SEMA6D: variants seen among roughly 807,000 people sequenced by gnomAD.
The protein encoded by SEMA6D is semaphorin 6D, also known as semaphorin-6D.
In SEMA6D, 35 loss-of-function variants were observed where a neutral mutation model predicts 106.6. The observed-to-expected ratio is 0.33, with a 90% CI of 0.25 to 0.44. The LOEUF is 0.44. Ranked by LOEUF, SEMA6D falls within the 20% of genes least tolerant of loss-of-function variation. The probability of loss-of-function intolerance (pLI) is 1.00; values close to 1 mark genes in which losing one functional copy is unlikely to be tolerated. For synonymous variants in SEMA6D, 499 were observed against 487.7 expected (o/e 1.02, Z -0.31); for missense variants, 1,185 against 1,345.9 (o/e 0.88, Z 1.87).
At chr15:47,527,112 C>G (rs137979889) in intron 3 of SEMA6D, among the ~76,000 whole-genome samples, 2 of 152,306 alleles carry the variant, frequency 1.3e-5, no homozygotes, top group African/African-American at 4.8e-5. Flanking sequence ...CAGGAATTAT[C>G]TCCATGAGGA....
chr15:47,578,500 C>G (rs2076196501), intron 3 of SEMA6D, among the ~76,000 whole-genome samples: 1 of 152,190 alleles, frequency 6.6e-6, no homozygotes, highest in East Asian at 1.9e-4. Flanking sequence ...CTAAATTGAA[C>G]TAATTGATCT....
chr15:47,684,612 A>G (rs990430128), intron 4 of SEMA6D, among the ~76,000 whole-genome samples: 1 of 152,204 alleles, frequency 6.6e-6, no homozygotes, highest in Non-Finnish European at 1.5e-5. Flanking sequence ...CAGGAGCTCA[A>G]TGACATTTGC....
At chr15:47,436,574 T>C (rs1182026478) in intron 2 of SEMA6D, among the ~76,000 whole-genome samples, 1 of 150,580 alleles carries the variant, frequency 6.6e-6, no homozygotes, top group Non-Finnish European at 1.5e-5. Context: ...AGTTTAATGT[T>C]CTTAATTTTA....
chr15:47,314,894 C>T (rs2036596490), intron 1 of SEMA6D, among the ~76,000 whole-genome samples: 1 of 114,174 alleles, frequency 8.8e-6, no homozygotes, highest in Non-Finnish European at 1.6e-5. Context: ...GAGACGGAGT[C>T]TCGCTCTGTG....
intron 1 of SEMA6D, chr15:47,730,968 A>G (rs990454681): frequency 5.9e-6 from 4 of 673,506 alleles, no homozygotes; most frequent in African/African-American, 3.6e-5. Context: ...CAATCTTCCT[A>G]TTTTAATTAC....
chr15:47,522,563 T>C (rs2044621471), intron 3 of SEMA6D, among the ~76,000 whole-genome samples: 1 of 152,132 alleles, frequency 6.6e-6, no homozygotes, highest in Admixed American at 6.5e-5. Context: ...TCAAGAGTTT[T>C]TAATGTTTTA....
chr15:47,472,457 T>C (rs2042879627), intron 3 of SEMA6D, among the ~76,000 whole-genome samples: 1 of 152,140 alleles, frequency 6.6e-6, no homozygotes, highest in Non-Finnish European at 1.5e-5. Context: ...AGAAAAGATA[T>C]TAAAAGGGAA....
At chr15:47,565,607 G>A (rs753677694) in intron 3 of SEMA6D, among the ~76,000 whole-genome samples, 1 of 152,304 alleles carries the variant, frequency 6.6e-6, no homozygotes, top group East Asian at 1.9e-4. Flanking sequence ...AATCTGGGAG[G>A]CATCGAACCA....
intron 1 of SEMA6D, among the ~76,000 whole-genome samples, chr15:47,224,198 A>G (rs1417198634): frequency 1.3e-5 from 2 of 151,764 alleles, no homozygotes; most frequent in Admixed American, 6.6e-5. Context: ...TTAAATTTAA[A>G]AAAAAAAGAA....
intron 3 of SEMA6D, among the ~76,000 whole-genome samples, chr15:47,497,734 C>T (rs569009249): frequency 6.6e-6 from 1 of 152,170 alleles, no homozygotes; most frequent in South Asian, 2.1e-4. Flanking sequence ...CCAAATCCAC[C>T]TTCTGCTATA....
chr15:47,230,766 G>A (rs2032132194), intron 1 of SEMA6D, among the ~76,000 whole-genome samples: 1 of 151,966 alleles, frequency 6.6e-6, no homozygotes, highest in South Asian at 2.1e-4. Context: ...AAACACTAGG[G>A]GTGAGGCCAA....
intron 1 of SEMA6D, among the ~76,000 whole-genome samples, chr15:47,350,935 TTCATTGCCAAACTC>T (rs1473789689): frequency 6.6e-6 from 1 of 152,142 alleles, no homozygotes; most frequent in Non-Finnish European, 1.5e-5. Flanking sequence ...TATGATAACT[TTCATTGCCAAACTC>T]CTGAAGTGTT....
chr15:47,555,861 A>G (rs925496824), intron 3 of SEMA6D, among the ~76,000 whole-genome samples: 2 of 152,182 alleles, frequency 1.3e-5, no homozygotes, highest in Non-Finnish European at 2.9e-5. Context: ...CCTGATAGTC[A>G]GAATAAATTA....
chr15:47,352,044 TCA>T (rs149097944), intron 1 of SEMA6D, among the ~76,000 whole-genome samples: 1,663 of 152,278 alleles, frequency 0.011, 24 homozygotes, highest in African/African-American at 0.038. Context: ...CTTTAAACTT[TCA>T]CAGTCATCGT....
intron 2 of SEMA6D, among the ~76,000 whole-genome samples, chr15:47,455,095 A>ATTT (rs771632727): frequency 1.3e-5 from 2 of 151,516 alleles, no homozygotes; most frequent in Admixed American, 6.6e-5. Context: ...TATTATTATT[A>ATTT]TCATTATTAG....
chr15:47,361,778 C>T (rs1056557107), intron 1 of SEMA6D, among the ~76,000 whole-genome samples: 1 of 152,108 alleles, frequency 6.6e-6, no homozygotes, highest in Admixed American at 6.5e-5. Flanking sequence ...TCAGCCTCTC[C>T]CCGCCCCTCC....
At chr15:47,687,086 A>C (rs2078486647) in intron 4 of SEMA6D, among the ~76,000 whole-genome samples, 1 of 151,690 alleles carries the variant, frequency 6.6e-6, no homozygotes, top group African/African-American at 2.4e-5. Context: ...AAAAAAAAGA[A>C]GTACTATTAA....
chr15:47,376,717 G>A (rs1683484125), intron 1 of SEMA6D, among the ~76,000 whole-genome samples: 1 of 152,144 alleles, frequency 6.6e-6, no homozygotes, highest in African/African-American at 2.4e-5. Context: ...GTTACTGTAG[G>A]GATGGCCAGA....
At chr15:47,635,480 C>G (rs2144608340) in intron 4 of SEMA6D, among the ~76,000 whole-genome samples, 2 of 152,224 alleles carry the variant, frequency 1.3e-5, no homozygotes, top group South Asian at 4.2e-4. Context: ...GATGTTTTTC[C>G]CCAGCCAGAC....
Sources: allele counts gnomAD v4.1 joint callset (sites outside exome capture counted in the v4.1 genomes callset), GRCh38; gene constraint gnomAD v4.1.1; transcripts MANE v1.5; gene names NCBI Gene and HGNC (gene_info 2026-07-23, HGNC 2026-07-21).